Variants in PHKA2 observed in about 807,000 individuals in gnomAD.
The protein encoded by PHKA2 is phosphorylase b kinase regulatory subunit alpha, liver isoform.
In PHKA2, 31 loss-of-function variants were observed where a neutral mutation model predicts 102.0. The ratio of observed to expected loss-of-function variants is 0.30; its 90% CI spans 0.23 to 0.41. The LOEUF is 0.41. Among genes scored for constraint, PHKA2 ranks in the 10% least tolerant of loss-of-function variants. The probability of loss-of-function intolerance (pLI) is 1.00; values close to 1 mark genes in which losing one functional copy is unlikely to be tolerated. For missense variants in PHKA2, 858 were observed against 1,023.1 expected, an observed-to-expected ratio of 0.84 and a Z score of 2.20; for synonymous variants, 455 against 416.2, an observed-to-expected ratio of 1.09 and a Z score of -1.13.
chrX:18,922,018 A>C (rs1287150492), intron 17 of PHKA2, among the ~76,000 whole-genome samples: 2 of 112,402 alleles, frequency 1.8e-5, no homozygotes, highest in African/African-American at 6.5e-5. Flanking sequence ...AGGCTGAGGC[A>C]GGTGGATCAC....
At chrX:18,914,259 A>T (rs992882066) in intron 19 of PHKA2, among the ~76,000 whole-genome samples, 5 of 112,543 alleles carry the variant, frequency 4.4e-5, no homozygotes, top group African/African-American at 9.7e-5. Context: ...TTGACCAAAA[A>T]GTTATGTGGT....
chrX:18,925,850 A>T, intron 14 of PHKA2, 73 bp from the exon 15 acceptor site: 1 of 693,066 alleles, frequency 1.4e-6, no homozygotes, highest in African/African-American at 2.1e-5. Flanking sequence ...AACTCAGGCT[A>T]AGACTGAGCT....
At position 18,929,310 on chromosome X, in the gene PHKA2, T is replaced by A. The variant is rs1410990001; in HGVS notation, c.1246-4A>T. ...TTTCACCAGCGGCAAGGAATCCCTA[T>A]GAAAAGAGGAGCATTAACACTATGA... On this transcript the variant is annotated splice_polypyrimidine_tract_variant and splice_region_variant and intron_variant, in intron 12 of 32. Coordinates refer to ENST00000379942, the MANE Select transcript of PHKA2 (RefSeq NM_000292.3). The A allele has an allele frequency of 5.4e-6, 6 of 1,121,009 alleles. No homozygotes were observed. Among genetic ancestry groups the A allele is most frequent in the Non-Finnish European group, 7.3e-6 (6 of 826,965 alleles). 92.4% of individuals were successfully genotyped at this position (1,121,009 alleles called of 1,213,427 possible). A position where few individuals can be genotyped will look rare whatever the true frequency, so the allele number is the denominator to read the frequency against.
chrX:18,894,811 G>T, intron 31 of PHKA2: 1 of 396,278 alleles, frequency 2.5e-6, no homozygotes, highest in South Asian at 3.8e-5. Context: ...GGAGAAAAGG[G>T]CCGAGAAGGC....
intron 5 of PHKA2, among the ~76,000 whole-genome samples, chrX:18,947,089 G>A (rs1318611037): frequency 5.4e-5 from 6 of 111,876 alleles, no homozygotes; most frequent in Admixed American, 1.9e-4. Flanking sequence ...AACAAATCTA[G>A]TTTCCCACCT....
Position 18,980,732 on chromosome X carries a change from C to T in PHKA2, c.78+3123G>A, listed in dbSNP as rs375092921. On this transcript the variant is annotated intron_variant, in intron 1 of 32. Coordinates refer to ENST00000379942, the MANE Select transcript of PHKA2 (RefSeq NM_000292.3). The stretch of plus-strand genomic sequence containing the variant: ...TGCAGGTCCTCTGTATGCTGAGCGC[C>T]GGTCTCCTGGGCCCACTGTTCTTTC... 8.1e-5 allele frequency among the ~76,000 whole-genome samples: 9 copies of T among 111,698 alleles called. No homozygotes were observed. In the East Asian group the frequency reaches 1.7e-3, roughly 21 times the overall value.
In PHKA2 at chrX:18,952,329, CA is replaced by C. The variant is rs1198542984; in HGVS notation, c.285+164del. Among the ~76,000 whole-genome samples, 5,250 of 35,219 alleles carry C rather than the reference CA, an allele frequency of 0.15. 393 individuals carry two copies. The highest frequency in any genetic ancestry group is 0.34 in the African/African-American group (4,361 of 12,852). The allele number at this position is 35,219 out of a possible 115,157, so 30.6% of individuals were successfully genotyped here. On this transcript the variant is annotated intron_variant, in intron 3 of 32. Coordinates refer to ENST00000379942, the MANE Select transcript of PHKA2 (RefSeq NM_000292.3). ...TGAGTGACAGTGTGAGACCCTGTCT[CA>C]AAAAAAAAAAAAAAAAAAAAAGAGA...
chrX:18,911,370 G>T, intron 19 of PHKA2, among the ~76,000 whole-genome samples: 1 of 111,100 alleles, frequency 9.0e-6, no homozygotes, highest in Middle Eastern at 4.7e-3. Flanking sequence ...ACGGAATTTC[G>T]CCATGTTGGT....
intron 30 of PHKA2, chrX:18,895,402 C>A (rs1328209828): frequency 4.4e-6 from 2 of 458,485 alleles, no homozygotes; most frequent in African/African-American, 2.4e-5. Flanking sequence ...GGGAACCCAG[C>A]AGGCATCTTT....
chrX:18,949,181 T>A (rs1397301979), intron 4 of PHKA2, among the ~76,000 whole-genome samples: 1 of 111,800 alleles, frequency 8.9e-6, no homozygotes, highest in African/African-American at 3.3e-5. Context: ...CCAGAGACAC[T>A]GTCTCTATCT....
intron 8 of PHKA2, among the ~76,000 whole-genome samples, chrX:18,940,757 T>C (rs1356998444): frequency 8.9e-6 from 1 of 111,829 alleles, no homozygotes; most frequent in East Asian, 2.8e-4. Context: ...ACCACGTCCC[T>C]AGCCCTAGCG....
At chrX:18,895,059 CAA>C (rs2047511388) in intron 31 of PHKA2, 77 bp downstream of exon 31, 1 of 943,920 alleles carries the variant, frequency 1.1e-6, no homozygotes, top group Admixed American at 2.2e-5. Context: ...AAAAGGAGCA[CAA>C]GAGGTCAGAG....
chrX:18,933,073 C>T (rs2048341003), intron 11 of PHKA2, among the ~76,000 whole-genome samples: 1 of 106,765 alleles, frequency 9.4e-6, no homozygotes, highest in African/African-American at 3.4e-5. Flanking sequence ...AAGATTGTGC[C>T]AATGCACTCC....
At chrX:18,980,081 T>C (rs749730847) in intron 1 of PHKA2, among the ~76,000 whole-genome samples, 152 of 112,983 alleles carry the variant, frequency 1.3e-3, no homozygotes, top group Non-Finnish European at 2.5e-3. Context: ...CTATGCAGGA[T>C]GTGCCTTGTT....
chrX:18,954,341 A>G lies in PHKA2; in HGVS notation c.150T>C (p.Ser50=). 8.3e-7 allele frequency: 1 copy of G among 1,211,136 alleles called. No individual in the cohort carries two copies. Among genetic ancestry groups the G allele is most frequent in the South Asian group, 1.8e-5 (1 of 56,991 alleles). The change falls in exon 2 of 33, where the codon AGT becomes AGC. Residue 50 remains serine, a synonymous_variant. Coordinates refer to ENST00000379942, the MANE Select transcript of PHKA2 (RefSeq NM_000292.3). ...TGCCCAGGCCCCACACGGCCAGGATACTGTAGATGTTATCCCGCACCCAGG... is the reference window on the plus strand; with the variant it reads ...TGCCCAGGCCCCACACGGCCAGGATGCTGTAGATGTTATCCCGCACCCAGG... ...KDAWVRDNIY[S]ILAVWGLGMA... is the part of the protein sequence containing the mutation.
intron 11 of PHKA2, among the ~76,000 whole-genome samples, chrX:18,933,816 A>G (rs1317944461): frequency 8.9e-6 from 1 of 111,753 alleles, no homozygotes; most frequent in Non-Finnish European, 1.9e-5. Context: ...TGCTGAGGAC[A>G]TTGTAATGAC....
In PHKA2 at chrX:18,907,030, T is replaced by G; in HGVS notation, c.2585A>C (p.Lys862Thr). 8.4e-7 allele frequency: 1 copy of G among 1,196,686 alleles called. No homozygotes were observed. The highest frequency in any genetic ancestry group is 1.1e-6 in the Non-Finnish European group (1 of 887,419). The change falls in exon 23 of 33, where the codon AAG (lysine) becomes ACG (threonine). Residue 862 changes from lysine to threonine, a missense_variant. By Grantham distance (78) the Lys-to-Thr change is moderately conservative. Coordinates refer to ENST00000379942, the MANE Select transcript of PHKA2 (RefSeq NM_000292.3). ...TVGLPPEPREKIISAPLPPEE... is the reference protein window; with the variant it reads ...TVGLPPEPRETIISAPLPPEE... Reference sequence around the variant, plus strand: ...GCTGAGGACTTACGCAGAGATGATCTTCTCCCGGGGCTCGGGCGGCAGGCC... The same window carrying G: ...GCTGAGGACTTACGCAGAGATGATCGTCTCCCGGGGCTCGGGCGGCAGGCC...
chrX:18,964,141 T>C (rs1298592768), intron 1 of PHKA2, among the ~76,000 whole-genome samples: 1 of 111,692 alleles, frequency 9.0e-6, no homozygotes, highest in Non-Finnish European at 1.9e-5. Context: ...CCTGATCACC[T>C]GACACTCCCT....
chrX:18,908,797 T>C lies in PHKA2; in HGVS notation c.2360+4A>G. ...TAACTGCCCGAATGGACTCAGACACTTACTTTATGACATAAAGAATGTACA... is the reference window on the plus strand; with the variant it reads ...TAACTGCCCGAATGGACTCAGACACCTACTTTATGACATAAAGAATGTACA... On this transcript the variant is annotated splice_donor_region_variant and intron_variant, in intron 21 of 32. Transcript: ENST00000379942. 1 of 1,197,514 alleles carries C rather than the reference T, an allele frequency of 8.4e-7. No homozygotes were observed. The highest frequency in any genetic ancestry group is 3.0e-5 in the East Asian group (1 of 33,764).
Sources: gnomAD v4.1 joint callset for allele counts (sites outside exome capture counted in the v4.1 genomes callset) on GRCh38, gnomAD v4.1.1 for gene constraint, MANE v1.5 for transcripts, NCBI Gene and HGNC (gene_info 2026-07-23, HGNC 2026-07-21) for gene names.